The following COMMD1 variants were observed in gnomAD, a reference collection of about 807,000 sequenced individuals.
The protein encoded by COMMD1 is copper metabolism domain containing 1.
Under a neutral mutation model 17.2 loss-of-function variants are expected in COMMD1, and 10 were observed. The observed-to-expected ratio is 0.58, with a 90% CI of 0.36 to 0.99. COMMD1 has a LOEUF of 0.99. Among genes scored for constraint, COMMD1 ranks in the 50% least tolerant of loss-of-function variants. The probability of loss-of-function intolerance (pLI) is 0.01; values close to 1 mark genes in which losing one functional copy is unlikely to be tolerated. For synonymous variants in COMMD1, 97 were observed against 91.6 expected, an observed-to-expected ratio of 1.06 and a Z score of -0.34; for missense variants, 270 against 231.8, an observed-to-expected ratio of 1.17 and a Z score of -1.07.
chr2:62,133,525 T>A (rs1351251064), intron 2 of COMMD1, among the ~76,000 whole-genome samples: 1 of 151,914 alleles, frequency 6.6e-6, no homozygotes, highest in East Asian at 1.9e-4. Context: ...GTATTTTTAA[T>A]TTTATATGCA....
intron 2 of COMMD1, among the ~76,000 whole-genome samples, chr2:62,092,029 T>A (rs1397320176): frequency 6.6e-6 from 1 of 152,204 alleles, no homozygotes; most frequent in Non-Finnish European, 1.5e-5. Context: ...CCAAATGATA[T>A]GGGCTTTGCC....
chr2:62,109,572 C>G (rs1262637181), intron 2 of COMMD1, among the ~76,000 whole-genome samples: 1 of 152,178 alleles, frequency 6.6e-6, no homozygotes. Flanking sequence ...AAGTCAGGCT[C>G]CAAGAGTTTT....
In COMMD1 at chr2:62,113,189, T is replaced by A. The variant is rs572690649; in HGVS notation, c.463-22642T>A. Among the ~76,000 whole-genome samples the A allele has an allele frequency of 3.0e-3, 446 of 148,428 alleles. 5 individuals carry two copies. The highest frequency in any genetic ancestry group is 0.011 in the African/African-American group (418 of 38,946). On this transcript the variant is annotated intron_variant, in intron 2 of 2. Coordinates refer to ENST00000311832, the MANE Select transcript of COMMD1 (RefSeq NM_152516.4). ...GCAAGACTCCATCACTACAAAAAAA[T>A]TAAAAAAAAAAAATTAGCTGGATGT...
chr2:61,986,100 A>G (rs142511292), intron 1 of COMMD1, among the ~76,000 whole-genome samples: 11 of 150,864 alleles, frequency 7.3e-5, no homozygotes, highest in African/African-American at 2.2e-4. Flanking sequence ...GGGAAAATCT[A>G]TTTCCTCTTC....
chr2:62,082,125 T>C (rs887409118), intron 2 of COMMD1, among the ~76,000 whole-genome samples: 2 of 152,216 alleles, frequency 1.3e-5, no homozygotes, highest in African/African-American at 4.8e-5. Context: ...GAATTAGATA[T>C]AGGACCTCTC....
chr2:62,059,013 C>T (rs954045307), intron 2 of COMMD1, among the ~76,000 whole-genome samples: 6 of 152,144 alleles, frequency 3.9e-5, no homozygotes, highest in Admixed American at 1.3e-4. Flanking sequence ...CTCCTGACCT[C>T]GTGATCCACC....
intron 2 of COMMD1, among the ~76,000 whole-genome samples, chr2:62,058,505 G>A (rs533370657): frequency 6.6e-6 from 1 of 152,114 alleles, no homozygotes; most frequent in Non-Finnish European, 1.5e-5. Flanking sequence ...ACCAGGCATG[G>A]TGGCTTATAC....
intron 1 of COMMD1, among the ~76,000 whole-genome samples, chr2:61,936,225 A>G (rs1277460254): frequency 6.6e-6 from 1 of 152,158 alleles, no homozygotes; most frequent in Non-Finnish European, 1.5e-5. Context: ...TACCCAGTCC[A>G]GTGGTATGAT....
chr2:61,983,033 C>T (rs1385797675), intron 1 of COMMD1, among the ~76,000 whole-genome samples: 1 of 151,910 alleles, frequency 6.6e-6, no homozygotes, highest in Non-Finnish European at 1.5e-5. Flanking sequence ...CAATACTGGC[C>T]TTGTAGAATA....
At chr2:61,929,286 A>G (rs1181172675) in intron 1 of COMMD1, among the ~76,000 whole-genome samples, 11 of 152,238 alleles carry the variant, frequency 7.2e-5, no homozygotes, top group East Asian at 1.9e-4. Context: ...AACTGTTCTT[A>G]TCTCACAAGC....
intron 2 of COMMD1, among the ~76,000 whole-genome samples, chr2:62,019,131 CCCTTCCTT>C (rs1239787487): frequency 1.1e-4 from 10 of 91,864 alleles, no homozygotes; most frequent in South Asian, 6.9e-4. Context: ...CTCCCTCCCT[CCCTTCCTT>C]CCTTCCTTCC....
intron 2 of COMMD1, among the ~76,000 whole-genome samples, chr2:62,133,978 A>G (rs897318335): frequency 6.6e-6 from 1 of 151,926 alleles, no homozygotes; most frequent in African/African-American, 2.4e-5. Context: ...TTTATTTTTT[A>G]TTTTTAGAGA....
intron 1 of COMMD1, among the ~76,000 whole-genome samples, chr2:61,974,770 A>G (rs544306070): frequency 6.6e-6 from 1 of 152,086 alleles, no homozygotes; most frequent in Non-Finnish European, 1.5e-5. Flanking sequence ...GAGAGCTCCC[A>G]TAAACCCTCT....
chr2:62,046,959 CAGACACG>C, intron 2 of COMMD1, among the ~76,000 whole-genome samples: 1 of 152,342 alleles, frequency 6.6e-6, no homozygotes, highest in South Asian at 2.1e-4. Context: ...CCCCAAACTG[CAGACACG>C]AGCCAGAGTT....
At chr2:61,905,646 C>T (rs1357506806), upstream of COMMD1, 3 of 1,516,152 alleles carry the variant, frequency 2.0e-6, no homozygotes, top group Non-Finnish European at 2.7e-6. Context: ...CGGGGCACGG[C>T]TCAGCTGTTG....
chr2:62,052,039 AC>A (rs1408204348), intron 2 of COMMD1, among the ~76,000 whole-genome samples: 2 of 152,080 alleles, frequency 1.3e-5, no homozygotes, highest in South Asian at 2.1e-4. Context: ...CAATGAGATG[AC>A]TCTACAGCTC....
chr2:62,038,813 T>G (rs1670109026), intron 2 of COMMD1, among the ~76,000 whole-genome samples: 1 of 152,158 alleles, frequency 6.6e-6, no homozygotes, highest in South Asian at 2.1e-4. Flanking sequence ...CTTCCCAAAG[T>G]GCTAAGATTA....
chr2:62,066,949 C>T (rs1038558537), intron 2 of COMMD1, among the ~76,000 whole-genome samples: 1 of 149,438 alleles, frequency 6.7e-6, no homozygotes, highest in African/African-American at 2.5e-5. Flanking sequence ...TGATCACAAA[C>T]TCCTGGTCTC....
chr2:61,985,143 C>T (rs994525086), intron 1 of COMMD1, among the ~76,000 whole-genome samples: 10 of 151,798 alleles, frequency 6.6e-5, no homozygotes, highest in African/African-American at 2.2e-4. Context: ...CTCCGCCTCC[C>T]AGGTTAATGC....
Sources: allele counts gnomAD v4.1 joint callset (sites outside exome capture counted in the v4.1 genomes callset), GRCh38; gene constraint gnomAD v4.1.1; transcripts MANE v1.5; gene names NCBI Gene and HGNC (gene_info 2026-07-23, HGNC 2026-07-21).